Variants in NPAS3 observed in about 807,000 individuals in gnomAD.
NPAS3 encodes the protein neuronal PAS domain-containing protein 3.
A neutral mutation model predicts 73.1 loss-of-function variants in NPAS3; 14 were observed. The observed-to-expected ratio is 0.19, with a 90% CI of 0.13 to 0.30. The LOEUF is 0.30. Among genes scored for constraint, NPAS3 ranks in the 10% least tolerant of loss-of-function variants. The probability of loss-of-function intolerance (pLI) is 1.00; values close to 1 mark genes in which losing one functional copy is unlikely to be tolerated. For missense variants in NPAS3, 1,096 were observed against 1,250.0 expected, an observed-to-expected ratio of 0.88 and a Z score of 1.86; for synonymous variants, 620 against 541.5, an observed-to-expected ratio of 1.14 and a Z score of -2.01.
Position 33,292,078 on chromosome 14 carries a change from T to C in NPAS3, c.386-75108T>C, listed in dbSNP as rs2042121859. Among the ~76,000 whole-genome samples, 3 of 152,376 alleles carry C rather than the reference T, an allele frequency of 2.0e-5. No individual in the cohort carries two copies. In the South Asian group the frequency reaches 6.2e-4, roughly 32 times the overall value. ...ACTCCTTGCCTCATGTAGTATAATATACATGGGCATTGAATACTCTTATTT... is the reference window on the plus strand; with the variant it reads ...ACTCCTTGCCTCATGTAGTATAATACACATGGGCATTGAATACTCTTATTT... On this transcript the variant is annotated intron_variant, in intron 3 of 11. Transcript: ENST00000356141.
At chr14:33,163,414 C>G (rs1360108544) in intron 2 of NPAS3, among the ~76,000 whole-genome samples, 1 of 152,150 alleles carries the variant, frequency 6.6e-6, no homozygotes, top group African/African-American at 2.4e-5. Context: ...GAAAAATGTG[C>G]ACACAGTCGC....
intron 3 of NPAS3, among the ~76,000 whole-genome samples, chr14:33,308,500 A>G (rs1013324261): frequency 7.5e-6 from 1 of 133,898 alleles, no homozygotes; most frequent in Non-Finnish European, 1.6e-5. Context: ...TAAAGGGACT[A>G]TTGCATAGTT....
At chr14:33,137,894 C>T (rs2043896406) in intron 2 of NPAS3, among the ~76,000 whole-genome samples, 1 of 151,914 alleles carries the variant, frequency 6.6e-6, no homozygotes, top group Non-Finnish European at 1.5e-5. Context: ...TAGAGATTCT[C>T]AATAGTTTTT....
At chr14:33,252,509 A>G (rs1166119178) in intron 3 of NPAS3, among the ~76,000 whole-genome samples, 3 of 152,016 alleles carry the variant, frequency 2.0e-5, no homozygotes, top group Non-Finnish European at 4.4e-5. Context: ...AAATAACCCC[A>G]TGATGTAGTG....
chr14:33,205,264 A>G (rs2046781465), intron 2 of NPAS3, among the ~76,000 whole-genome samples: 1 of 152,200 alleles, frequency 6.6e-6, no homozygotes, highest in South Asian at 2.1e-4. Context: ...TGTATTTTCT[A>G]AGCCATTGAA....
intron 4 of NPAS3, among the ~76,000 whole-genome samples, chr14:33,423,883 A>G (rs2048450483): frequency 6.6e-6 from 1 of 151,800 alleles, no homozygotes; most frequent in South Asian, 2.1e-4. Context: ...AAAGAAACCA[A>G]CCTGTCTACC....
intron 4 of NPAS3, among the ~76,000 whole-genome samples, chr14:33,531,692 C>G (rs549145673): frequency 1.3e-5 from 2 of 152,108 alleles, no homozygotes; most frequent in South Asian, 2.1e-4. Context: ...GGGTAAATAC[C>G]TAGGAGTAGG....
At chr14:33,770,792 C>T (rs185040072) in intron 7 of NPAS3, among the ~76,000 whole-genome samples, 8 of 152,134 alleles carry the variant, frequency 5.3e-5, no homozygotes, top group Admixed American at 3.9e-4. Flanking sequence ...CCCAGCAACT[C>T]GGGAGGCTGA....
intron 1 of NPAS3, among the ~76,000 whole-genome samples, chr14:33,051,365 ACT>A (rs2040706138): frequency 6.6e-6 from 1 of 151,784 alleles, no homozygotes; most frequent in Non-Finnish European, 1.5e-5. Flanking sequence ...AGTCTCAAAA[ACT>A]CTGATTATAG....
rs186959370 is a variant in NPAS3 at position 33,560,409 on chromosome 14, A to C, written c.558+199A>C. The C allele has an allele frequency of 9.0e-6, 4 of 442,358 alleles. No individual in the cohort carries two copies. The East Asian group carries it at 1.4e-4, about 15-fold the overall frequency. 27.4% of individuals were successfully genotyped at this position (442,358 alleles called of 1,614,324 possible). ...ATTCAGAATAAACTTGTGCTCAAAAACTTTAGTTCCGCTCCCCACCCCCCA... is the reference window on the plus strand; with the variant it reads ...ATTCAGAATAAACTTGTGCTCAAAACCTTTAGTTCCGCTCCCCACCCCCCA... On this transcript the variant is annotated intron_variant, in intron 5 of 11. Coordinates refer to ENST00000356141, the Ensembl canonical transcript of NPAS3.
At chr14:33,704,370 G>A (rs2060603083) in intron 6 of NPAS3, among the ~76,000 whole-genome samples, 1 of 152,012 alleles carries the variant, frequency 6.6e-6, no homozygotes, top group African/African-American at 2.4e-5. Flanking sequence ...ATTTAACATG[G>A]GATTAACCAA....
chr14:33,010,201 A>T (rs1456269914), intron 1 of NPAS3, among the ~76,000 whole-genome samples: 1 of 152,194 alleles, frequency 6.6e-6, no homozygotes, highest in Non-Finnish European at 1.5e-5. Context: ...GATGAAGGAG[A>T]TGTTGTATAG....
intron 5 of NPAS3, among the ~76,000 whole-genome samples, chr14:33,617,793 A>C (rs2057964003): frequency 6.6e-6 from 1 of 152,258 alleles, no homozygotes; most frequent in Non-Finnish European, 1.5e-5. Flanking sequence ...ACTGTTGACT[A>C]TTTCTTAAAA....
intron 1 of NPAS3, among the ~76,000 whole-genome samples, chr14:32,971,374 C>A (rs1236888681): frequency 6.6e-6 from 1 of 152,118 alleles, no homozygotes; most frequent in Non-Finnish European, 1.5e-5. Context: ...TGTGAGCCAC[C>A]ACGCCTGGCC....
intron 4 of NPAS3, among the ~76,000 whole-genome samples, chr14:33,405,843 G>A (rs1396399490): frequency 6.6e-6 from 1 of 152,074 alleles, no homozygotes; most frequent in Non-Finnish European, 1.5e-5. Context: ...ATTAGTGAGG[G>A]TGTCTTGCAA....
At chr14:33,657,171 A>T (rs2059167778) in intron 5 of NPAS3, among the ~76,000 whole-genome samples, 1 of 152,208 alleles carries the variant, frequency 6.6e-6, no homozygotes, top group African/African-American at 2.4e-5. Flanking sequence ...AAACAGACTG[A>T]TTTATAGCCT....
intron 6 of NPAS3, among the ~76,000 whole-genome samples, chr14:33,689,909 T>C (rs531853906): frequency 8.9e-4 from 136 of 152,306 alleles, no homozygotes; most frequent in Non-Finnish European, 1.2e-3. Flanking sequence ...CACTTTAGAA[T>C]AGACCTTGAT....
intron 7 of NPAS3, among the ~76,000 whole-genome samples, chr14:33,759,706 TG>T (rs2062224030): frequency 6.6e-6 from 1 of 152,238 alleles, no homozygotes; most frequent in Non-Finnish European, 1.5e-5. Flanking sequence ...ATAACTATAA[TG>T]GAAGATTGTC....
chr14:33,595,882 G>A (rs1567040030), intron 5 of NPAS3, among the ~76,000 whole-genome samples: 2 of 152,154 alleles, frequency 1.3e-5, no homozygotes, highest in Non-Finnish European at 2.9e-5. Flanking sequence ...GTGTTAGCCA[G>A]GATGGTCTCG....
Sources: gnomAD v4.1 joint callset for allele counts (sites outside exome capture counted in the v4.1 genomes callset) on GRCh38, gnomAD v4.1.1 for gene constraint, MANE v1.5 for transcripts, NCBI Gene and HGNC (gene_info 2026-07-23, HGNC 2026-07-21) for gene names.